ARHGAP26: variants seen among roughly 807,000 people sequenced by gnomAD.
The protein encoded by ARHGAP26 is rho GTPase-activating protein 26.
ARHGAP26 carries 38 observed loss-of-function variants against 104.8 expected under a neutral mutation model. The observed-to-expected ratio is 0.36, with a 90% confidence interval of 0.28 to 0.48. The LOEUF (loss-of-function observed/expected upper bound fraction) is 0.48. Among genes scored for constraint, ARHGAP26 ranks in the 20% least tolerant of loss-of-function variants. The pLI is 0.99. For synonymous variants in ARHGAP26, 341 were observed against 340.0 expected (o/e 1.00, Z -0.03); for missense variants, 704 against 947.9 (o/e 0.74, Z 3.38).
At chr5:143,046,160 C>T (rs1384428992) in intron 14 of ARHGAP26, among the ~76,000 whole-genome samples, 1 of 151,682 alleles carries the variant, frequency 6.6e-6, no homozygotes, top group East Asian at 1.9e-4. Context: ...CAAAAATTAG[C>T]CGGGTGTGGT....
At chr5:143,012,568 TATATATATTA>T (rs1779014626) in intron 11 of ARHGAP26, among the ~76,000 whole-genome samples, 3 of 85,960 alleles carry the variant, frequency 3.5e-5, no homozygotes, top group East Asian at 4.8e-4. Flanking sequence ...TATATATATA[TATATATATTA>T]TGATCAGGTT....
At chr5:142,886,362 C>G (rs1030014026) in intron 5 of ARHGAP26, among the ~76,000 whole-genome samples, 11 of 152,056 alleles carry the variant, frequency 7.2e-5, no homozygotes, top group Admixed American at 7.2e-4. Context: ...GAGTTCAATC[C>G]CCTCCCAACC....
chr5:143,172,866 C>A (rs190065292), intron 20 of ARHGAP26: 1 of 168,026 alleles, frequency 6.0e-6, no homozygotes, highest in East Asian at 1.1e-4. Flanking sequence ...TATAAATACC[C>A]GAAGGGCAGA....
At chr5:143,198,256 G>C (rs562350612) in intron 20 of ARHGAP26, among the ~76,000 whole-genome samples, 1 of 152,294 alleles carries the variant, frequency 6.6e-6, no homozygotes, top group East Asian at 1.9e-4. Context: ...GGATTTCTTA[G>C]CAACTATTCA....
intron 17 of ARHGAP26, among the ~76,000 whole-genome samples, chr5:143,093,558 G>C (rs2150549153): frequency 6.6e-6 from 1 of 151,102 alleles, no homozygotes; most frequent in Non-Finnish European, 1.5e-5. Context: ...CTCCCTCTTT[G>C]TGTCTCTCTT....
intron 1 of ARHGAP26, among the ~76,000 whole-genome samples, chr5:142,828,047 G>T (rs554982304): frequency 6.6e-6 from 1 of 152,120 alleles, no homozygotes; most frequent in East Asian, 1.9e-4. Flanking sequence ...GAATAGTTAC[G>T]CACGCTATTC....
chr5:142,782,010 T>C (rs1043292316), intron 1 of ARHGAP26, among the ~76,000 whole-genome samples: 3 of 152,310 alleles, frequency 2.0e-5, no homozygotes, highest in Non-Finnish European at 4.4e-5. Flanking sequence ...CCACTGCGCC[T>C]GGCCGATTCA....
At chr5:142,912,434 G>T (rs115702281) in intron 9 of ARHGAP26, among the ~76,000 whole-genome samples, 1,674 of 152,274 alleles carry the variant, frequency 0.011, 25 homozygotes, top group African/African-American at 0.039. Context: ...ATTGCCAGGG[G>T]ATACAAGGAA....
chr5:143,160,133 C>A (rs1023621677), intron 20 of ARHGAP26, among the ~76,000 whole-genome samples: 8 of 150,260 alleles, frequency 5.3e-5, no homozygotes, highest in African/African-American at 2.0e-4. Context: ...AATCTCGGCT[C>A]ACTGCAAGCT....
At chr5:142,811,592 T>C (rs1383027923) in intron 1 of ARHGAP26, among the ~76,000 whole-genome samples, 1 of 152,216 alleles carries the variant, frequency 6.6e-6, no homozygotes. Flanking sequence ...GTGAACAATC[T>C]GAGGGACAGA....
chr5:143,208,362 C>T (rs1174326954), intron 21 of ARHGAP26, among the ~76,000 whole-genome samples: 1 of 152,142 alleles, frequency 6.6e-6, no homozygotes, highest in Non-Finnish European at 1.5e-5. Flanking sequence ...GGAGTATTTT[C>T]CCTTCTGTCT....
chr5:142,897,302 A>C (rs1016272584), intron 6 of ARHGAP26, among the ~76,000 whole-genome samples: 3 of 152,224 alleles, frequency 2.0e-5, no homozygotes, highest in Admixed American at 6.5e-5. Flanking sequence ...TGTTAGGACA[A>C]AGATAGTAAT....
At chr5:143,107,746 C>T (rs545357949) in intron 17 of ARHGAP26, among the ~76,000 whole-genome samples, 4 of 152,296 alleles carry the variant, frequency 2.6e-5, no homozygotes, top group South Asian at 2.1e-4. Context: ...TTACCAGACA[C>T]GATCTGCTCT....
rs1234369379 is a variant in ARHGAP26, at chr5:143,223,519, G to A, written c.*1073G>A. On this transcript the variant is annotated 3_prime_UTR_variant, in exon 23 of 23. Coordinates refer to ENST00000645722, the MANE Select transcript of ARHGAP26 (RefSeq NM_001135608.3). ...GATGCCATCTGACTGGTTTCCCCAT[G>A]TCCTCCCATTCACCCATCTCTGCTC... is the stretch of plus-strand genomic sequence containing the variant. The A allele has an allele frequency of 8.6e-6, 2 of 232,050 alleles. No homozygotes were observed. Among genetic ancestry groups the A allele is most frequent in the Non-Finnish European group, 1.7e-5 (2 of 117,106 alleles). The allele number at this position is 232,050 out of a possible 1,614,324, so 14.4% of individuals were successfully genotyped here. A position where few individuals can be genotyped will look rare whatever the true frequency, so the allele number is the denominator to read the frequency against.
At chr5:143,088,012 T>TA (rs1440885082) in intron 17 of ARHGAP26, among the ~76,000 whole-genome samples, 1 of 152,148 alleles carries the variant, frequency 6.6e-6, no homozygotes, top group Non-Finnish European at 1.5e-5. Context: ...GGAAGCTTGT[T>TA]AAAATGCAGG....
intron 14 of ARHGAP26, among the ~76,000 whole-genome samples, chr5:143,054,120 G>C (rs1785447315): frequency 6.6e-6 from 1 of 152,182 alleles, no homozygotes; most frequent in African/African-American, 2.4e-5. Context: ...TAGACTGTGA[G>C]AAATGAGATT....
intron 1 of ARHGAP26, among the ~76,000 whole-genome samples, chr5:142,837,456 C>T (rs763469485): frequency 6.6e-6 from 1 of 151,990 alleles, no homozygotes; most frequent in Non-Finnish European, 1.5e-5. Context: ...ACACGTCATT[C>T]GAACTTGGTA....
intron 17 of ARHGAP26, among the ~76,000 whole-genome samples, chr5:143,071,289 T>C (rs1439728862): frequency 1.3e-5 from 2 of 152,218 alleles, no homozygotes; most frequent in East Asian, 3.8e-4. Flanking sequence ...CATAGACCAA[T>C]GGAACAGAAT....
chr5:143,183,004 C>T (rs1454144770), intron 20 of ARHGAP26, among the ~76,000 whole-genome samples: 2 of 147,986 alleles, frequency 1.4e-5, no homozygotes, highest in Admixed American at 6.9e-5. Context: ...GAATGCAACA[C>T]GTTGACAATG....
Sources: gnomAD v4.1 joint callset for allele counts (sites outside exome capture counted in the v4.1 genomes callset) on GRCh38, gnomAD v4.1.1 for gene constraint, MANE v1.5 for transcripts, NCBI Gene and HGNC (gene_info 2026-07-23, HGNC 2026-07-21) for gene names.